The following UBE2H variants were observed in gnomAD, a reference collection of about 807,000 sequenced individuals.
UBE2H encodes ubiquitin-conjugating enzyme E2 H.
UBE2H carries 3 observed loss-of-function variants against 29.0 expected under a neutral mutation model. The observed-to-expected ratio is 0.10, with a 90% CI of 0.05 to 0.27. The LOEUF is 0.27. Ranked by LOEUF, UBE2H falls within the 10% of genes least tolerant of loss-of-function variation. UBE2H has a pLI of 1.00. For missense variants in UBE2H, 68 were observed against 228.2 expected (o/e 0.30, Z 4.52); for synonymous variants, 69 against 82.9 (o/e 0.83, Z 0.91).
At chr7:129,865,222 C>T (rs933664635) in intron 3 of UBE2H, among the ~76,000 whole-genome samples, 3 of 152,012 alleles carry the variant, frequency 2.0e-5, no homozygotes, top group African/African-American at 7.2e-5. Flanking sequence ...GACCCATAGG[C>T]TAATAGGCAG....
Position 129,860,637 on chromosome 7 carries a change from T to TA in UBE2H, c.206-1697dup, listed in dbSNP as rs149981930. 3.3e-3 allele frequency among the ~76,000 whole-genome samples: 504 copies of TA among 152,190 alleles called. 2 individuals carry two copies. Among genetic ancestry groups the TA allele is most frequent in the African/African-American group, 0.011 (473 of 41,524 alleles). ...TTGGATAAAGGGGAGTACATCCATCTACCTGAGTCCTATACAGCCAAGGGT... is the reference window on the plus strand; with the variant it reads ...TTGGATAAAGGGGAGTACATCCATCTAACCTGAGTCCTATACAGCCAAGGGT... On this transcript the variant is annotated intron_variant, in intron 3 of 6. Transcript: ENST00000355621.
intron 1 of UBE2H, among the ~76,000 whole-genome samples, chr7:129,930,780 C>T (rs544561242): frequency 2.3e-4 from 35 of 151,674 alleles, no homozygotes; most frequent in Non-Finnish European, 3.1e-4. Context: ...TGGTGGTACG[C>T]GCCTGTAGTC....
intron 3 of UBE2H, among the ~76,000 whole-genome samples, chr7:129,860,291 C>T (rs1028674542): frequency 4.6e-5 from 7 of 152,088 alleles, no homozygotes; most frequent in Non-Finnish European, 7.4e-5. Flanking sequence ...AATGTTCTAT[C>T]TACTACAATC....
chr7:129,917,470 G>A (rs905532977), intron 1 of UBE2H, among the ~76,000 whole-genome samples: 9 of 152,146 alleles, frequency 5.9e-5, no homozygotes, highest in African/African-American at 2.2e-4. Context: ...GCTGGAGTCT[G>A]GGGTGCAGGG....
At chr7:129,951,957 T>C (rs1024098804) in intron 1 of UBE2H, among the ~76,000 whole-genome samples, 2 of 152,092 alleles carry the variant, frequency 1.3e-5, no homozygotes, top group Non-Finnish European at 2.9e-5. Context: ...AGCTCTTTCT[T>C]AGAAGAGGGG....
chr7:129,926,776 C>T (rs909684447), intron 1 of UBE2H, among the ~76,000 whole-genome samples: 2 of 152,268 alleles, frequency 1.3e-5, no homozygotes, highest in Admixed American at 1.3e-4. Context: ...ATCACACCTC[C>T]AGAAAAGTAT....
At chr7:129,928,996 G>A (rs1032987069) in intron 1 of UBE2H, among the ~76,000 whole-genome samples, 2 of 152,108 alleles carry the variant, frequency 1.3e-5, no homozygotes, top group Admixed American at 6.5e-5. Context: ...ACTGTCAATT[G>A]CCCAGAGTCA....
At chr7:129,870,484 GC>G (rs1806006436) in intron 3 of UBE2H, among the ~76,000 whole-genome samples, 1 of 152,110 alleles carries the variant, frequency 6.6e-6, no homozygotes. Context: ...AAGCGTGGTG[GC>G]CCATGCCTGG....
chr7:129,907,798 T>C (rs1256849151), intron 1 of UBE2H, among the ~76,000 whole-genome samples: 2 of 152,112 alleles, frequency 1.3e-5, no homozygotes, highest in Non-Finnish European at 2.9e-5. Context: ...GGAAGACCAA[T>C]TTTTTCAAAA....
chr7:129,906,723 A>C (rs1806825674), intron 1 of UBE2H, among the ~76,000 whole-genome samples: 1 of 152,188 alleles, frequency 6.6e-6, no homozygotes, highest in Admixed American at 6.5e-5. Context: ...GAATACCGTA[A>C]CATGGCTTCC....
intron 1 of UBE2H, among the ~76,000 whole-genome samples, chr7:129,887,745 C>T (rs182778998): frequency 1.6e-3 from 244 of 151,922 alleles, no homozygotes; most frequent in South Asian, 4.8e-3. Context: ...ACTAAAAATA[C>T]GAAATTAGCC....
intron 3 of UBE2H, among the ~76,000 whole-genome samples, chr7:129,869,788 A>C (rs1805991523): frequency 6.6e-6 from 1 of 152,218 alleles, no homozygotes; most frequent in African/African-American, 2.4e-5. Context: ...CATGGAGTTC[A>C]CATCTACTGA....
intron 1 of UBE2H, among the ~76,000 whole-genome samples, chr7:129,914,518 C>T (rs1435096100): frequency 2.0e-5 from 3 of 152,092 alleles, no homozygotes; most frequent in African/African-American, 7.2e-5. Flanking sequence ...GAAGCCGACA[C>T]AAGAAATAAA....
chr7:129,846,721 C>T (rs993978194), intron 5 of UBE2H, among the ~76,000 whole-genome samples: 4 of 152,116 alleles, frequency 2.6e-5, no homozygotes, highest in East Asian at 1.9e-4. Context: ...ATTTGTTTTT[C>T]GGACTTAATA....
At chr7:129,868,769 C>T (rs1584754778) in intron 3 of UBE2H, among the ~76,000 whole-genome samples, 1 of 152,042 alleles carries the variant, frequency 6.6e-6, no homozygotes. Context: ...GACATTACAG[C>T]CTGCTCACAG....
intron 3 of UBE2H, among the ~76,000 whole-genome samples, chr7:129,876,006 C>T (rs1168361028): frequency 3.3e-5 from 5 of 152,150 alleles, no homozygotes; most frequent in Admixed American, 3.3e-4. Context: ...TTATGTCTTC[C>T]TTACGCTCTC....
chr7:129,848,107 C>T (rs1309564547), intron 5 of UBE2H, among the ~76,000 whole-genome samples: 1 of 152,116 alleles, frequency 6.6e-6, no homozygotes, highest in Non-Finnish European at 1.5e-5. Flanking sequence ...TTCCTCTTGC[C>T]CTCAATCAAA....
chr7:129,861,042 T>A (rs1241910320), intron 3 of UBE2H, among the ~76,000 whole-genome samples: 1 of 152,040 alleles, frequency 6.6e-6, no homozygotes, highest in African/African-American at 2.4e-5. Flanking sequence ...GCCAACATGG[T>A]GAAACCCTGT....
chr7:129,844,360 G>A (rs1805476701), intron 5 of UBE2H, among the ~76,000 whole-genome samples: 1 of 152,176 alleles, frequency 6.6e-6, no homozygotes, highest in Non-Finnish European at 1.5e-5. Context: ...TGTGCAGAAA[G>A]TCTTCTTTCA....
Sources: gnomAD v4.1 joint callset for allele counts (sites outside exome capture counted in the v4.1 genomes callset) on GRCh38, gnomAD v4.1.1 for gene constraint, MANE v1.5 for transcripts, NCBI Gene and HGNC (gene_info 2026-07-23, HGNC 2026-07-21) for gene names.